The following DACH1 variants were observed in gnomAD, a reference collection of about 807,000 sequenced individuals.
The protein encoded by DACH1 is dachshund homolog 1.
In DACH1, 12 loss-of-function variants were observed where a neutral mutation model predicts 54.2. The ratio of observed to expected loss-of-function variants is 0.22; its 90% CI spans 0.14 to 0.36. DACH1 has a LOEUF of 0.36. Ranked by LOEUF, DACH1 falls within the 10% of genes least tolerant of loss-of-function variation. The pLI, the probability that DACH1 is intolerant of heterozygous loss-of-function variation, is 1.00. For synonymous variants in DACH1, 386 were observed against 366.2 expected (o/e 1.05, Z -0.62); for missense variants, 805 against 929.8 (o/e 0.87, Z 1.75).
intron 4 of DACH1, among the ~76,000 whole-genome samples, chr13:71,569,563 C>T (rs1885081422): frequency 6.6e-6 from 1 of 152,134 alleles, no homozygotes; most frequent in Non-Finnish European, 1.5e-5. Flanking sequence ...CCAACGTTGG[C>T]AGCTTGGGGA....
At chr13:71,557,183 A>G in intron 5 of DACH1, 25 bp from the exon 6 acceptor site, 1 of 1,586,794 alleles carries the variant, frequency 6.3e-7, no homozygotes, top group Non-Finnish European at 8.5e-7. Context: ...AAGAAAACAA[A>G]CAAAACAAAA....
At chr13:71,796,897 T>C (rs1887078873) in intron 1 of DACH1, among the ~76,000 whole-genome samples, 1 of 152,118 alleles carries the variant, frequency 6.6e-6, no homozygotes, top group South Asian at 2.1e-4. Flanking sequence ...TCCTCTTTGT[T>C]AACTACTATC....
intron 2 of DACH1, among the ~76,000 whole-genome samples, chr13:71,642,416 T>C (rs949793960): frequency 6.6e-6 from 1 of 152,246 alleles, no homozygotes; most frequent in African/African-American, 2.4e-5. Flanking sequence ...TGGCTGAAGA[T>C]ACAAGTAAAC....
intron 10 of DACH1, among the ~76,000 whole-genome samples, chr13:71,460,442 C>G (rs1199740868): frequency 6.6e-6 from 1 of 151,998 alleles, no homozygotes; most frequent in African/African-American, 2.4e-5. Context: ...ATTCCCAGCT[C>G]TTGATCAAAA....
Position 71,809,935 on chromosome 13 carries a change from G to A in DACH1, c.848+55987C>T, listed in dbSNP as rs1204173455. Among the ~76,000 whole-genome samples, 12 of 152,114 alleles carry A rather than the reference G, an allele frequency of 7.9e-5. No homozygotes were observed. The East Asian group carries it at 2.3e-3, about 29-fold the overall frequency. On this transcript the variant is annotated intron_variant, in intron 1 of 10. Coordinates refer to ENST00000613252, the MANE Select transcript of DACH1 (RefSeq NM_080759.6). ...AAGAAAAAGAGATTGAGACAGGTGT[G>A]GTGAATGTTAAATATTTTTCTGGTA...
At chr13:71,533,582 T>G (rs1213178909) in intron 6 of DACH1, among the ~76,000 whole-genome samples, 2 of 152,072 alleles carry the variant, frequency 1.3e-5, no homozygotes, top group African/African-American at 4.8e-5. Context: ...GGGTCTTTTC[T>G]TCAGTACCTT....
intron 2 of DACH1, among the ~76,000 whole-genome samples, chr13:71,659,086 T>C (rs897130001): frequency 2.6e-5 from 4 of 152,132 alleles, no homozygotes; most frequent in African/African-American, 9.7e-5. Context: ...ACTACCTCTT[T>C]GTATAATCAA....
intron 2 of DACH1, among the ~76,000 whole-genome samples, chr13:71,668,085 T>C (rs1426804673): frequency 6.6e-6 from 1 of 152,064 alleles, no homozygotes. Context: ...AGAAAATAGA[T>C]GTTTTAATAG....
At chr13:71,448,239 G>GC (rs1874646741) in intron 10 of DACH1, among the ~76,000 whole-genome samples, 1 of 152,136 alleles carries the variant, frequency 6.6e-6, no homozygotes, top group African/African-American at 2.4e-5. Context: ...ACAGCAGAGG[G>GC]CAAACATATC....
chr13:71,581,358 G>T (rs1211787087), intron 3 of DACH1, among the ~76,000 whole-genome samples: 2 of 152,138 alleles, frequency 1.3e-5, no homozygotes, highest in Non-Finnish European at 2.9e-5. Flanking sequence ...TCTGCCTCCT[G>T]GGTTCAAGCG....
intron 3 of DACH1, among the ~76,000 whole-genome samples, chr13:71,603,386 A>G (rs151134706): frequency 6.6e-6 from 1 of 152,136 alleles, no homozygotes; most frequent in Non-Finnish European, 1.5e-5. Flanking sequence ...TACTCAAAGA[A>G]GTGTGCCTAC....
intron 1 of DACH1, among the ~76,000 whole-genome samples, chr13:71,793,853 T>A (rs1314778418): frequency 1.3e-5 from 2 of 152,152 alleles, no homozygotes; most frequent in East Asian, 3.9e-4. Context: ...GTGAAAAAAA[T>A]TGAGGTTTAG....
chr13:71,688,512 C>T (rs1881302933), intron 1 of DACH1, among the ~76,000 whole-genome samples: 1 of 152,152 alleles, frequency 6.6e-6, no homozygotes, highest in Non-Finnish European at 1.5e-5. Context: ...AACATATTTT[C>T]ATTCTCACGT....
intron 6 of DACH1, among the ~76,000 whole-genome samples, chr13:71,504,591 C>A (rs571991049): frequency 2.6e-5 from 4 of 152,120 alleles, no homozygotes; most frequent in Admixed American, 2.0e-4. Context: ...GTAATAAGGC[C>A]AGATTTGAGT....
At chr13:71,615,855 A>G (rs529001323) in intron 3 of DACH1, among the ~76,000 whole-genome samples, 52 of 152,202 alleles carry the variant, frequency 3.4e-4, no homozygotes, top group African/African-American at 1.2e-3. Flanking sequence ...GTACACCTTT[A>G]TTATTTTACT....
At chr13:71,822,743 T>C (rs900770582) in intron 1 of DACH1, among the ~76,000 whole-genome samples, 1 of 152,196 alleles carries the variant, frequency 6.6e-6, no homozygotes, top group Non-Finnish European at 1.5e-5. Flanking sequence ...AAAATCTCCA[T>C]GCTGGAGCAA....
chr13:71,726,226 G>C (rs1883463390), intron 1 of DACH1, among the ~76,000 whole-genome samples: 1 of 152,040 alleles, frequency 6.6e-6, no homozygotes, highest in Non-Finnish European at 1.5e-5. Flanking sequence ...CTATAAGTTT[G>C]TTTCATTAAT....
At chr13:71,745,831 C>T (rs1884579743) in intron 1 of DACH1, among the ~76,000 whole-genome samples, 1 of 152,204 alleles carries the variant, frequency 6.6e-6, no homozygotes, top group South Asian at 2.1e-4. Context: ...GAGGGGTTAC[C>T]ATGTTCCACC....
At chr13:71,715,820 T>A (rs1882939419) in intron 1 of DACH1, among the ~76,000 whole-genome samples, 1 of 152,102 alleles carries the variant, frequency 6.6e-6, no homozygotes, top group Non-Finnish European at 1.5e-5. Context: ...CTGAAAAATC[T>A]ATACCCCTCA....
Sources: allele counts gnomAD v4.1 joint callset (sites outside exome capture counted in the v4.1 genomes callset), GRCh38; gene constraint gnomAD v4.1.1; transcripts MANE v1.5; gene names NCBI Gene and HGNC (gene_info 2026-07-23, HGNC 2026-07-21).